The following OPCML variants were observed in gnomAD, a reference collection of about 807,000 sequenced individuals.
OPCML encodes the protein opioid binding protein/cell adhesion molecule like.
OPCML carries 13 observed loss-of-function variants against 37.8 expected under a neutral mutation model. The observed-to-expected ratio is 0.34, with a 90% confidence interval of 0.22 to 0.55. OPCML has a LOEUF of 0.55. Among genes scored for constraint, OPCML ranks in the 20% least tolerant of loss-of-function variants. OPCML has a pLI of 0.91. For synonymous variants in OPCML, 176 were observed against 168.8 expected (o/e 1.04, Z -0.33); for missense variants, 341 against 435.6 (o/e 0.78, Z 1.93).
At chr11:133,153,726 C>T (rs2137197491) in intron 1 of OPCML, among the ~76,000 whole-genome samples, 1 of 152,248 alleles carries the variant, frequency 6.6e-6, no homozygotes, top group African/African-American at 2.4e-5. Context: ...TCTCCTTATT[C>T]TGTTTAAAAC....
chr11:132,819,046 T>G (rs2136242800), intron 2 of OPCML, among the ~76,000 whole-genome samples: 1 of 151,752 alleles, frequency 6.6e-6, no homozygotes, highest in Non-Finnish European at 1.5e-5. Context: ...ATGGGTCTAC[T>G]TCTATTATTT....
At chr11:132,524,902 G>A (rs2096304038) in intron 4 of OPCML, among the ~76,000 whole-genome samples, 1 of 152,144 alleles carries the variant, frequency 6.6e-6, no homozygotes, top group Admixed American at 6.5e-5. Context: ...AAATATACCT[G>A]AAAAGCAAAG....
rs1398567700 is a variant in OPCML, at chr11:133,208,571, A to G, written c.62-265561T>C. Among the ~76,000 whole-genome samples the G allele has an allele frequency of 6.6e-6, 1 of 152,206 alleles. No homozygotes were observed. The highest frequency in any genetic ancestry group is 1.5e-5 in the Non-Finnish European group (1 of 68,048). On this transcript the variant is annotated intron_variant, in intron 1 of 7. Coordinates refer to ENST00000524381, the MANE Select transcript of OPCML (RefSeq NM_001012393.5). The surrounding 1 kb of genome is among the most constrained non-coding windows in gnomAD (Gnocchi z 8.9). Reference sequence around the variant, plus strand: ...TGCTGGCTATCCACATATGTGTATTAGTGAAGTTGAAGCAGGAAAAGCTGG... The same window carrying G: ...TGCTGGCTATCCACATATGTGTATTGGTGAAGTTGAAGCAGGAAAAGCTGG...
At chr11:133,140,223 A>AATAATAATG (rs1949749606) in intron 1 of OPCML, among the ~76,000 whole-genome samples, 1 of 138,262 alleles carries the variant, frequency 7.2e-6, no homozygotes, top group Non-Finnish European at 1.5e-5. Flanking sequence ...TAATAATAAT[A>AATAATAATG]CTGATAGGCT....
intron 1 of OPCML, among the ~76,000 whole-genome samples, chr11:133,102,745 A>G (rs1195268145): frequency 6.6e-6 from 1 of 152,128 alleles, no homozygotes; most frequent in Non-Finnish European, 1.5e-5. Context: ...GCAAGACTCC[A>G]TCTCAAAAAC....
intron 1 of OPCML, among the ~76,000 whole-genome samples, chr11:133,386,453 C>G (rs1337836417): frequency 6.6e-6 from 1 of 152,156 alleles, no homozygotes; most frequent in South Asian, 2.1e-4. Context: ...GACATACTGG[C>G]CAGCTCCCAG....
At chr11:133,098,295 A>G (rs1054384178) in intron 1 of OPCML, among the ~76,000 whole-genome samples, 10 of 149,160 alleles carry the variant, frequency 6.7e-5, no homozygotes, top group Non-Finnish European at 1.0e-4. Flanking sequence ...GGCTCACTGC[A>G]AGCTCTGCCT....
chr11:133,289,913 T>TC (rs1253742056), intron 1 of OPCML, among the ~76,000 whole-genome samples: 1 of 151,932 alleles, frequency 6.6e-6, no homozygotes, highest in Non-Finnish European at 1.5e-5. Flanking sequence ...AACGTCCATT[T>TC]CCCCCCTGGG....
intron 3 of OPCML, among the ~76,000 whole-genome samples, chr11:132,559,845 C>A (rs891378904): frequency 1.3e-5 from 2 of 152,192 alleles, no homozygotes; most frequent in African/African-American, 4.8e-5. Context: ...CAGAAGACAG[C>A]ATATGCCTCC....
At chr11:132,852,504 G>A (rs1941854977) in intron 2 of OPCML, among the ~76,000 whole-genome samples, 1 of 152,068 alleles carries the variant, frequency 6.6e-6, no homozygotes, top group Admixed American at 6.6e-5. Flanking sequence ...GAAGTGCCAA[G>A]GCAATAGTGG....
intron 1 of OPCML, among the ~76,000 whole-genome samples, chr11:133,403,467 AT>A (rs1945454640): frequency 2.6e-5 from 4 of 152,084 alleles, no homozygotes; most frequent in South Asian, 4.1e-4. Context: ...GCTTAGTTTA[AT>A]TTTTTTCTAC....
At chr11:133,141,479 C>T (rs1305154276) in intron 1 of OPCML, among the ~76,000 whole-genome samples, 1 of 152,110 alleles carries the variant, frequency 6.6e-6, no homozygotes, top group Non-Finnish European at 1.5e-5. Context: ...AGCCTTTTCC[C>T]ACTCTTCTCA....
intron 1 of OPCML, among the ~76,000 whole-genome samples, chr11:133,328,057 C>A (rs571914282): frequency 3.9e-5 from 6 of 152,052 alleles, no homozygotes; most frequent in Non-Finnish European, 7.4e-5. Context: ...TAAAAGACGG[C>A]TAAAAACTGA....
intron 1 of OPCML, among the ~76,000 whole-genome samples, chr11:133,101,941 T>C (rs750326586): frequency 9.9e-5 from 15 of 152,066 alleles, no homozygotes; most frequent in Middle Eastern, 6.8e-3. Context: ...AAATGCATAT[T>C]GCCAAGTGAA....
chr11:133,108,316 T>C (rs1949193239), intron 1 of OPCML, among the ~76,000 whole-genome samples: 1 of 152,204 alleles, frequency 6.6e-6, no homozygotes, highest in Non-Finnish European at 1.5e-5. Context: ...GGTGACTGTA[T>C]GTTGCTAAAT....
chr11:132,506,198 C>CA (rs1160946044), intron 4 of OPCML, among the ~76,000 whole-genome samples: 3 of 151,968 alleles, frequency 2.0e-5, no homozygotes, highest in African/African-American at 4.8e-5. Context: ...TTGACAGCAA[C>CA]AAAAAAATCT....
intron 2 of OPCML, among the ~76,000 whole-genome samples, chr11:132,934,996 G>A (rs368731673): frequency 9.9e-5 from 15 of 152,068 alleles, no homozygotes; most frequent in African/African-American, 2.2e-4. Flanking sequence ...AAAATAACCC[G>A]GGCATGGTGA....
chr11:133,524,012 G>A (rs193300936), intron 1 of OPCML, among the ~76,000 whole-genome samples: 7 of 152,160 alleles, frequency 4.6e-5, no homozygotes, highest in South Asian at 4.2e-4. Flanking sequence ...TTTGTTTGAC[G>A]CATGTCTGTC....
intron 1 of OPCML, among the ~76,000 whole-genome samples, chr11:133,520,621 G>A (rs1948378580): frequency 6.6e-6 from 1 of 152,158 alleles, no homozygotes; most frequent in Admixed American, 6.5e-5. Flanking sequence ...TAGTGTCAAA[G>A]AGGACCCCTC....
Sources: gnomAD v4.1 joint callset for allele counts (sites outside exome capture counted in the v4.1 genomes callset) on GRCh38, gnomAD v4.1.1 for gene constraint, Gnocchi (gnomAD v3.1) non-coding constraint, MANE v1.5 for transcripts, NCBI Gene and HGNC (gene_info 2026-07-23, HGNC 2026-07-21) for gene names.